Variants in NBAS observed in about 807,000 individuals in gnomAD.
The protein encoded by NBAS is NBAS subunit of NRZ tethering complex, also known as NAG/BC035112 fusion.
In NBAS, 219 loss-of-function variants were observed where a neutral mutation model predicts 302.5. The ratio of observed to expected loss-of-function variants is 0.72; its 90% CI spans 0.65 to 0.81. NBAS has a LOEUF of 0.81. Ranked by LOEUF, NBAS falls within the 30% of genes least tolerant of loss-of-function variation. The pLI is 0.00. For missense variants in NBAS, 2,932 were observed against 2,841.6 expected, an observed-to-expected ratio of 1.03 and a Z score of -0.72; for synonymous variants, 1,118 against 1,021.6, an observed-to-expected ratio of 1.09 and a Z score of -1.80.
chr2:14,799,712 A>T, the NBAS span, among the ~76,000 whole-genome samples: 1 of 152,024 alleles, frequency 6.6e-6, no homozygotes, highest in Admixed American at 6.6e-5. Context: ...TTGTAGATCT[A>T]TAAGTGTTTG....
intron 9 of NBAS, 108 bp from the exon 10 acceptor site, chr2:15,511,458 TTAATA>T: frequency 1.1e-6 from 1 of 919,646 alleles, no homozygotes; most frequent in Non-Finnish European, 1.7e-6. Flanking sequence ...CCAAGTACTA[TTAATA>T]TATGTTAAAC....
the NBAS span, among the ~76,000 whole-genome samples, chr2:14,898,131 A>C: frequency 1.3e-5 from 2 of 152,194 alleles, no homozygotes; most frequent in Non-Finnish European, 2.9e-5. Context: ...GCCTTTGCTT[A>C]TATTTCTTAT....
At chr2:15,260,975 T>G (rs560069588) in intron 44 of NBAS, among the ~76,000 whole-genome samples, 1 of 152,310 alleles carries the variant, frequency 6.6e-6, no homozygotes, top group African/African-American at 2.4e-5. Context: ...CTGACCACAA[T>G]GCTCAAACTA....
chr2:15,036,976 C>T, the NBAS span, among the ~76,000 whole-genome samples: 6 of 152,120 alleles, frequency 3.9e-5, no homozygotes, highest in Admixed American at 3.9e-4. Flanking sequence ...TGACTGGGAC[C>T]TTGGATATGG....
At chr2:14,882,783 T>A in the NBAS span, among the ~76,000 whole-genome samples, 3 of 152,158 alleles carry the variant, frequency 2.0e-5, no homozygotes, top group African/African-American at 7.2e-5. Flanking sequence ...AGAGAAATAA[T>A]AAAGCCATTA....
At chr2:14,849,747 C>G in the NBAS span, among the ~76,000 whole-genome samples, 221 of 140,604 alleles carry the variant, frequency 1.6e-3, no homozygotes, top group African/African-American at 6.6e-3. Context: ...AGAAACCCTA[C>G]AAGCCAGAAG....
the NBAS span, among the ~76,000 whole-genome samples, chr2:14,795,906 C>T: frequency 3.9e-5 from 6 of 152,110 alleles, no homozygotes; most frequent in African/African-American, 9.7e-5. Flanking sequence ...TGGCCTAACT[C>T]GAAGTCATAA....
chr2:15,027,437 TC>T, the NBAS span, among the ~76,000 whole-genome samples: 2 of 64,944 alleles, frequency 3.1e-5, no homozygotes, highest in African/African-American at 5.9e-5. Flanking sequence ...TAAATTTTTT[TC>T]CATATCAAAT....
At chr2:15,164,341 G>C (rs763607615), downstream of NBAS, among the ~76,000 whole-genome samples, 4 of 152,230 alleles carry the variant, frequency 2.6e-5, no homozygotes, top group South Asian at 8.3e-4. Context: ...AAGTTAACAC[G>C]GCATTGGGCC....
At chr2:15,063,879 C>T in the NBAS span, among the ~76,000 whole-genome samples, 1 of 152,196 alleles carries the variant, frequency 6.6e-6, no homozygotes, top group Non-Finnish European at 1.5e-5. Context: ...GCTTAAGCCA[C>T]TCAGTCTGTG....
At chr2:15,364,631 G>T (rs887987479) in intron 32 of NBAS, among the ~76,000 whole-genome samples, 1 of 152,162 alleles carries the variant, frequency 6.6e-6, no homozygotes, top group South Asian at 2.1e-4. Context: ...GGTACTCTGA[G>T]ACCATCAAAT....
chr2:14,800,785 G>GTTTTTTTTTTTTTTTTTTTTTTTTTT, the NBAS span, among the ~76,000 whole-genome samples: 2 of 129,526 alleles, frequency 1.5e-5, no homozygotes, highest in Non-Finnish European at 1.6e-5. Flanking sequence ...GATTTAAATT[G>GTTTTTTTTTTTTTTTTTTTTTTTTTT]TTTTTGTTTT....
chr2:14,786,947 G>T, the NBAS span, among the ~76,000 whole-genome samples: 162 of 152,226 alleles, frequency 1.1e-3, no homozygotes, highest in African/African-American at 3.8e-3. Flanking sequence ...TTATTATTGT[G>T]TGGGAGTCTA....
intron 41 of NBAS, 87 bp from the exon 42 acceptor site, chr2:15,287,270 C>G (rs1670088576): frequency 1.0e-6 from 1 of 976,250 alleles, no homozygotes; most frequent in East Asian, 2.4e-5. Flanking sequence ...TAGGACTGCT[C>G]TCCAGTGAGA....
the NBAS span, among the ~76,000 whole-genome samples, chr2:15,153,808 A>G: frequency 1.3e-5 from 2 of 152,342 alleles, no homozygotes; most frequent in African/African-American, 2.4e-5. Context: ...AATGAAGGTA[A>G]TTCTTTATAG....
At chr2:15,150,986 A>C in the NBAS span, among the ~76,000 whole-genome samples, 1 of 152,148 alleles carries the variant, frequency 6.6e-6, no homozygotes, top group Non-Finnish European at 1.5e-5. Context: ...GAAAACAAAA[A>C]AAATTCAACG....
At chr2:15,316,178 C>A (rs1671499725) in intron 38 of NBAS, among the ~76,000 whole-genome samples, 1 of 152,156 alleles carries the variant, frequency 6.6e-6, no homozygotes, top group African/African-American at 2.4e-5. Flanking sequence ...AGTTCTCAAA[C>A]CTTGAATATA....
At chr2:15,512,193 T>C (rs915470331) in intron 9 of NBAS, among the ~76,000 whole-genome samples, 3 of 152,222 alleles carry the variant, frequency 2.0e-5, no homozygotes, top group Admixed American at 6.5e-5. Flanking sequence ...TAAAGTTATT[T>C]AGAGTTGGCA....
the NBAS span, among the ~76,000 whole-genome samples, chr2:14,873,701 A>AAC: frequency 1.1e-4 from 17 of 151,184 alleles, no homozygotes; most frequent in Middle Eastern, 6.8e-3. Context: ...AAAAAAAAAA[A>AAC]CCCACACATA....
Sources: gnomAD v4.1 joint callset for allele counts (sites outside exome capture counted in the v4.1 genomes callset) on GRCh38, gnomAD v4.1.1 for gene constraint, MANE v1.5 for transcripts, NCBI Gene and HGNC (gene_info 2026-07-23, HGNC 2026-07-21) for gene names.